Variants in SDAD1 observed in about 807,000 individuals in gnomAD.
The protein encoded by SDAD1 is protein SDA1 homolog.
SDAD1 carries 79 observed loss-of-function variants against 100.3 expected under a neutral mutation model. The observed-to-expected ratio is 0.79, with a 90% CI of 0.66 to 0.95. The LOEUF (loss-of-function observed/expected upper bound fraction) is 0.95. SDAD1 is among the 40% of genes least tolerant of loss of function. The probability of loss-of-function intolerance (pLI) is 0.00; values close to 1 mark genes in which losing one functional copy is unlikely to be tolerated. For missense variants in SDAD1, 790 were observed against 810.9 expected (o/e 0.97, Z 0.31); for synonymous variants, 267 against 271.4 (o/e 0.98, Z 0.16).
rs906547357 is a variant in SDAD1, at chr4:75,975,675, T to C, written c.578+69A>G. ...CTCAAGCTCAAGAAAAGTATTTGTA[T>C]ATGTGCTCTGTATTAATTACAAATG... On this transcript the variant is annotated intron_variant, in intron 6 of 21. Transcript: ENST00000356260. 4 of 1,026,592 alleles carry C rather than the reference T, an allele frequency of 3.9e-6. No individual in the cohort carries two copies. The African/African-American group carries it at 4.8e-5, about 12-fold the overall frequency. 63.6% of individuals were successfully genotyped at this position (1,026,592 alleles called of 1,614,324 possible). A position where few individuals can be genotyped will look rare whatever the true frequency, so the allele number is the denominator to read the frequency against.
chr4:75,982,461 A>ATC (rs1465637516), intron 1 of SDAD1, among the ~76,000 whole-genome samples: 1 of 152,086 alleles, frequency 6.6e-6, no homozygotes, highest in African/African-American at 2.4e-5. Flanking sequence ...CAAACTGGGT[A>ATC]ACACAGGGAG....
Position 75,960,130 on chromosome 4 carries a change from T to G in SDAD1, c.1419A>C (p.Lys473Asn). ...GAACTTCTGCTCCTGGAATGTAATCTTTAGCATCTAATTCTCCATATTCTT... is the reference window on the plus strand; with the variant it reads ...GAACTTCTGCTCCTGGAATGTAATCGTTAGCATCTAATTCTCCATATTCTT... Reference protein sequence around the residue: ...RVQEYGELDAKDYIPGAEVLE... With the variant: ...RVQEYGELDANDYIPGAEVLE... The change falls in exon 17 of 22, where the codon AAA becomes AAC. Residue 473 changes from lysine to asparagine, a missense_variant. Coordinates refer to ENST00000356260, the MANE Select transcript of SDAD1 (RefSeq NM_018115.4). 1 of 1,612,262 alleles carries G rather than the reference T, an allele frequency of 6.2e-7. No individual in the cohort carries two copies. The highest frequency in any genetic ancestry group is 8.5e-7 in the Non-Finnish European group (1 of 1,179,508).
At chr4:75,967,208 GAACAA>G (rs1729596664) in intron 12 of SDAD1, 64 bp downstream of exon 12, 1 of 1,434,210 alleles carries the variant, frequency 7.0e-7, no homozygotes, top group South Asian at 1.1e-5. Flanking sequence ...AGTGATTCCA[GAACAA>G]AAGACTTTGC....
chr4:75,990,928 A>G lies in SDAD1; in HGVS notation c.-87T>C. ...GCAATCCCTGCCAGCTGCAGCTTGG[A>G]CTCGTGTTTCCGGGTATGACCGGAA... On this transcript the variant is annotated 5_prime_UTR_variant, in exon 1 of 22. Transcript: ENST00000356260. The G allele has an allele frequency of 2.0e-6, 3 of 1,531,268 alleles. No homozygotes were observed. The highest frequency in any genetic ancestry group is 1.7e-5 in the Admixed American group (1 of 58,650). 94.9% of individuals were successfully genotyped at this position (1,531,268 alleles called of 1,614,324 possible).
chr4:75,989,682 T>C (rs1731119124), intron 1 of SDAD1, among the ~76,000 whole-genome samples: 1 of 152,244 alleles, frequency 6.6e-6, no homozygotes, highest in South Asian at 2.1e-4. Context: ...ACCACTTTCT[T>C]TGCGAATGGC....
At chr4:75,974,425 A>T (rs910122229) in intron 6 of SDAD1, among the ~76,000 whole-genome samples, 2 of 151,236 alleles carry the variant, frequency 1.3e-5, no homozygotes, top group African/African-American at 4.9e-5. Flanking sequence ...AAAAAACAAC[A>T]ACTGAGAAGA....
intron 3 of SDAD1, among the ~76,000 whole-genome samples, chr4:75,980,304 A>C (rs561342597): frequency 3.6e-4 from 55 of 152,278 alleles, no homozygotes; most frequent in African/African-American, 1.3e-3. Flanking sequence ...TTTTTGGCCT[A>C]ATCAAATTAC....
rs201692491 is a variant in SDAD1, at chr4:75,956,148, A to G, written c.1855-12T>C. The G allele has an allele frequency of 1.3e-5, 21 of 1,590,830 alleles. No homozygotes were observed. The East Asian group carries it at 4.7e-4, about 36-fold the overall frequency. ...TCTGTCTTTCCAGCCTACCAGAACA[A>G]AAAGTTTGATATTTCTTCTTCAACA... On this transcript the variant is annotated splice_polypyrimidine_tract_variant and intron_variant, in intron 20 of 21. Coordinates refer to ENST00000356260, the MANE Select transcript of SDAD1 (RefSeq NM_018115.4).
chr4:75,957,256 C>G (rs547646332), intron 20 of SDAD1, 69 bp downstream of exon 20: 1 of 1,328,180 alleles, frequency 7.5e-7, no homozygotes, highest in Non-Finnish European at 1.1e-6. Context: ...TGTGGCTATA[C>G]AAGTTCTGGC....
intron 11 of SDAD1, among the ~76,000 whole-genome samples, chr4:75,967,936 T>C (rs531492399): frequency 6.6e-6 from 1 of 152,288 alleles, no homozygotes; most frequent in East Asian, 1.9e-4. Flanking sequence ...AATGGTAATG[T>C]TTAATTTCAA....
At chr4:75,958,193 A>C (rs1729015439) in intron 17 of SDAD1, among the ~76,000 whole-genome samples, 1 of 152,208 alleles carries the variant, frequency 6.6e-6, no homozygotes, top group African/African-American at 2.4e-5. Context: ...AACTCCAAAG[A>C]AAAGGAACAG....
intron 8 of SDAD1, among the ~76,000 whole-genome samples, chr4:75,972,506 T>C (rs140848647): frequency 3.9e-5 from 6 of 151,960 alleles, no homozygotes; most frequent in East Asian, 1.9e-4. Context: ...CTGAAATAAG[T>C]ATCATTTGCT....
At chr4:75,961,663 C>T (rs1729237321) in intron 14 of SDAD1, among the ~76,000 whole-genome samples, 1 of 152,190 alleles carries the variant, frequency 6.6e-6, no homozygotes, top group South Asian at 2.1e-4. Flanking sequence ...TAAAAAGCTG[C>T]TGTTCAGCAT....
At chr4:75,956,169 C>T (rs1728881908) in intron 20 of SDAD1, 33 bp from the exon 21 acceptor site, 5 of 1,576,468 alleles carry the variant, frequency 3.2e-6, no homozygotes, top group Non-Finnish European at 3.4e-6. Flanking sequence ...ATTTCTTCTT[C>T]AACAACATAC....
At chr4:75,961,739 T>C (rs977284496) in intron 14 of SDAD1, among the ~76,000 whole-genome samples, 1 of 152,224 alleles carries the variant, frequency 6.6e-6, no homozygotes, top group African/African-American at 2.4e-5. Context: ...TAAGTGTTTT[T>C]TAATCAACCA....
At chr4:75,956,372 C>T (rs1728892465) in intron 20 of SDAD1, among the ~76,000 whole-genome samples, 1 of 150,438 alleles carries the variant, frequency 6.6e-6, no homozygotes, top group South Asian at 2.1e-4. Flanking sequence ...AGGGGAACTT[C>T]CTAGAAAGGG....
At chr4:75,978,408 G>C (rs1044400539) in intron 3 of SDAD1, among the ~76,000 whole-genome samples, 1 of 149,712 alleles carries the variant, frequency 6.7e-6, no homozygotes, top group Admixed American at 6.7e-5. Flanking sequence ...ATGTTGCCTA[G>C]GCTGGTTTCA....
chr4:75,971,305 C>T, intron 9 of SDAD1, 52 bp downstream of exon 9: 2 of 1,238,422 alleles, frequency 1.6e-6, no homozygotes, highest in Non-Finnish European at 2.4e-6. Flanking sequence ...CTAACGACAA[C>T]ATATTCTTCA....
In SDAD1 at chr4:75,957,907, C is replaced by T. The variant is rs760642831; in HGVS notation, c.1518G>A (p.Glu506=). Residue 506 remains glutamate (E), a synonymous_variant, in exon 18 of 22, where the codon GAG becomes GAA. Transcript: ENST00000356260. The stretch of plus-strand genomic sequence containing the variant: ...CATCAATCCATTCACCATCAGCATC[C>T]TCCTCCTCACTGAGACTGGTACTTT... The part of the protein sequence containing the change: ...GWESTSLSEE[E]DADGEWIDVQ... 9 of 1,613,024 alleles carry T rather than the reference C, an allele frequency of 5.6e-6. No individual in the cohort carries two copies. The highest frequency in any genetic ancestry group is 7.6e-6 in the Non-Finnish European group (9 of 1,179,970).
Sources: gnomAD v4.1 joint callset for allele counts (sites outside exome capture counted in the v4.1 genomes callset) on GRCh38, gnomAD v4.1.1 for gene constraint, MANE v1.5 for transcripts, NCBI Gene and HGNC (gene_info 2026-07-23, HGNC 2026-07-21) for gene names.